SLCO6A1: variants seen among roughly 807,000 people sequenced by gnomAD.
The protein encoded by SLCO6A1 is solute carrier organic anion transporter family member 6A1.
In SLCO6A1, 65 loss-of-function variants were observed where a neutral mutation model predicts 72.7. The ratio of observed to expected loss-of-function variants is 0.89; its 90% CI spans 0.73 to 1.10. The LOEUF (loss-of-function observed/expected upper bound fraction) is 1.10. Among genes scored for constraint, SLCO6A1 ranks in the 50% least tolerant of loss-of-function variants. SLCO6A1 has a pLI of 0.00. For synonymous variants in SLCO6A1, 314 were observed against 298.2 expected (o/e 1.05, Z -0.55); for missense variants, 874 against 872.6 (o/e 1.00, Z -0.02).
chr5:102,386,959 T>C (rs915306455), intron 12 of SLCO6A1, among the ~76,000 whole-genome samples: 9 of 152,206 alleles, frequency 5.9e-5, no homozygotes, highest in Admixed American at 5.9e-4. Flanking sequence ...TCATGTGAAA[T>C]TATACTTCCT....
intron 9 of SLCO6A1, among the ~76,000 whole-genome samples, chr5:102,405,190 T>C (rs934150295): frequency 2.0e-5 from 3 of 151,994 alleles, no homozygotes; most frequent in Non-Finnish European, 4.4e-5. Context: ...AGTAACTACC[T>C]GTAGAAGTTC....
intron 12 of SLCO6A1, among the ~76,000 whole-genome samples, chr5:102,380,502 A>G (rs768420077): frequency 1.3e-5 from 2 of 152,040 alleles, no homozygotes; most frequent in Non-Finnish European, 2.9e-5. Context: ...GAAAAAATTG[A>G]ACATAAAAAT....
Position 102,493,708 on chromosome 5 carries a change from T to C in SLCO6A1, c.358+4779A>G, listed in dbSNP as rs77651207. 6.8e-3 allele frequency among the ~76,000 whole-genome samples: 1,035 copies of C among 152,272 alleles called. 9 individuals carry two copies. The highest frequency in any genetic ancestry group is 0.024 in the African/African-American group (985 of 41,552). On this transcript the variant is annotated intron_variant, in intron 1 of 13. Transcript: ENST00000506729. ...TTGGGAAGAAGTAAAACTGTCCTTA[T>C]TCACAGATGATATAATAATGTATAC... is the stretch of plus-strand genomic sequence containing the variant.
chr5:102,477,289 T>A (rs1185078569), intron 3 of SLCO6A1, among the ~76,000 whole-genome samples: 1 of 151,852 alleles, frequency 6.6e-6, no homozygotes, highest in Non-Finnish European at 1.5e-5. Flanking sequence ...GCCCAGCTAA[T>A]TTTTTTGTAT....
At chr5:102,429,946 G>C (rs1749123432) in intron 7 of SLCO6A1, among the ~76,000 whole-genome samples, 1 of 152,032 alleles carries the variant, frequency 6.6e-6, no homozygotes, top group Admixed American at 6.6e-5. Context: ...AGCATGGAGT[G>C]TTTTCCCATT....
At position 102,475,492 on chromosome 5, in the gene SLCO6A1, C is replaced by T. The variant is rs537043537; in HGVS notation, c.899+205G>A. ...AACAATGTACACATAGTTAACAGTG[C>T]TGTACTATGCACTTAAAAATGTTTA... is the stretch of plus-strand genomic sequence containing the variant. On this transcript the variant is annotated intron_variant, in intron 4 of 13. Coordinates refer to ENST00000506729, the MANE Select transcript of SLCO6A1 (RefSeq NM_173488.5). Among the ~76,000 whole-genome samples, 18 of 152,120 alleles carry T rather than the reference C, an allele frequency of 1.2e-4. No homozygotes were observed. In the East Asian group the frequency reaches 2.9e-3, roughly 25 times the overall value.
intron 4 of SLCO6A1, among the ~76,000 whole-genome samples, chr5:102,471,084 G>A (rs775397007): frequency 3.3e-5 from 5 of 151,818 alleles, no homozygotes; most frequent in East Asian, 1.9e-4. Flanking sequence ...ATTTCTCCAC[G>A]GTCATTTTTC....
intron 9 of SLCO6A1, among the ~76,000 whole-genome samples, chr5:102,407,606 C>T (rs1301340350): frequency 6.6e-6 from 1 of 152,130 alleles, no homozygotes; most frequent in African/African-American, 2.4e-5. Flanking sequence ...CTTGGATAAA[C>T]CTCATCTAAT....
chr5:102,396,169 T>C (rs1301565922), intron 10 of SLCO6A1, among the ~76,000 whole-genome samples: 1 of 152,138 alleles, frequency 6.6e-6, no homozygotes, highest in African/African-American at 2.4e-5. Flanking sequence ...GTTTTTATGG[T>C]TTTAGGTCTA....
chr5:102,399,602 A>G lies in SLCO6A1; in HGVS notation c.1767T>C (p.Leu589=). 6.3e-7 allele frequency: 1 copy of G among 1,594,234 alleles called. No homozygotes were observed. The highest frequency in any genetic ancestry group is 8.6e-7 in the Non-Finnish European group (1 of 1,168,058). ...GTACACCAGAAAAACCAGAAAATAT[A>G]AGTGTAGAAAAGATAAAAGCAATGA... is the stretch of plus-strand genomic sequence containing the variant. The part of the protein sequence containing the change: ...PLFIAFIFST[L]IFSGFSGVPI... The change falls in exon 10 of 14, where the codon CTT becomes CTC. Residue 589 remains leucine (L), a synonymous_variant. Coordinates refer to ENST00000506729, the MANE Select transcript of SLCO6A1 (RefSeq NM_173488.5).
intron 9 of SLCO6A1, among the ~76,000 whole-genome samples, chr5:102,402,654 G>A (rs1335743400): frequency 6.6e-6 from 1 of 152,046 alleles, no homozygotes. Flanking sequence ...ACAAGAGAGG[G>A]CCAAACTGTT....
At chr5:102,373,819 C>A (rs1745626020) in intron 12 of SLCO6A1, among the ~76,000 whole-genome samples, 1 of 152,064 alleles carries the variant, frequency 6.6e-6, no homozygotes, top group Admixed American at 6.6e-5. Context: ...GGAACCAGAG[C>A]TAAGTCATTT....
chr5:102,400,179 G>A (rs1434769600), intron 9 of SLCO6A1, among the ~76,000 whole-genome samples: 1 of 151,890 alleles, frequency 6.6e-6, no homozygotes, highest in Non-Finnish European at 1.5e-5. Context: ...TATTTTGTAT[G>A]TAATAATGAC....
Position 102,399,705 on chromosome 5 carries a change from A to G in SLCO6A1, c.1664T>C (p.Ile555Thr). The G allele has an allele frequency of 6.3e-7, 1 of 1,585,858 alleles. No homozygotes were observed. Among genetic ancestry groups the G allele is most frequent in the South Asian group, 1.2e-5 (1 of 85,810 alleles). Residue 555 changes from isoleucine (I) to threonine (T), a missense_variant, in exon 10 of 14, where the codon ATA becomes ACA. By Grantham distance (89) the Ile-to-Thr change is moderately conservative. Transcript: ENST00000506729. ...YNCSCIKEGLITADAEGDFID... is the reference protein window; with the variant it reads ...YNCSCIKEGLTTADAEGDFID... ...AAAATCACCTTCTGCATCTGCAGTT[A>G]TTAATCCTTCTTTAATGCAAGAACA...
At chr5:102,376,651 A>G (rs1006844751) in intron 12 of SLCO6A1, among the ~76,000 whole-genome samples, 10 of 152,192 alleles carry the variant, frequency 6.6e-5, no homozygotes, top group African/African-American at 1.4e-4. Flanking sequence ...CAATCTGAAC[A>G]TGATCTGAAT....
chr5:102,460,715 T>G (rs533970462), intron 4 of SLCO6A1, among the ~76,000 whole-genome samples: 1 of 151,968 alleles, frequency 6.6e-6, no homozygotes, highest in East Asian at 2.0e-4. Context: ...TCATGGGTGT[T>G]TCTGTTGCCA....
At chr5:102,429,264 T>C (rs1006280062) in intron 7 of SLCO6A1, among the ~76,000 whole-genome samples, 5 of 152,228 alleles carry the variant, frequency 3.3e-5, no homozygotes, top group Non-Finnish European at 7.3e-5. Flanking sequence ...TCTAGTTTAC[T>C]CTGTTGATAG....
In SLCO6A1 at chr5:102,388,837, G is replaced by T. The variant is rs1337526362; in HGVS notation, c.1880-12C>A. On this transcript the variant is annotated splice_polypyrimidine_tract_variant and intron_variant, in intron 11 of 13. Coordinates refer to ENST00000506729, the MANE Select transcript of SLCO6A1 (RefSeq NM_173488.5). ...TCCAGGAATAGTCCCTATGAAAAATGCAATGATTGTAAATTCTTTGTGAAA... is the reference window on the plus strand; with the variant it reads ...TCCAGGAATAGTCCCTATGAAAAATTCAATGATTGTAAATTCTTTGTGAAA... 6.3e-7 allele frequency: 1 copy of T among 1,587,100 alleles called. No individual in the cohort carries two copies. Among genetic ancestry groups the T allele is most frequent in the Admixed American group, 1.9e-5 (1 of 51,960 alleles).
intron 1 of SLCO6A1, among the ~76,000 whole-genome samples, chr5:102,494,280 A>C (rs1231695086): frequency 1.3e-5 from 2 of 152,180 alleles, no homozygotes; most frequent in African/African-American, 2.4e-5. Flanking sequence ...CAGTTCATTC[A>C]CAATGGATCA....
Sources: allele counts gnomAD v4.1 joint callset (sites outside exome capture counted in the v4.1 genomes callset), GRCh38; gene constraint gnomAD v4.1.1; transcripts MANE v1.5; gene names NCBI Gene and HGNC (gene_info 2026-07-23, HGNC 2026-07-21).